Variants in MEIOB observed in about 807,000 individuals in gnomAD.
MEIOB encodes the protein meiosis-specific with OB domain-containing protein.
A neutral mutation model predicts 53.1 loss-of-function variants in MEIOB; 50 were observed. The observed-to-expected ratio is 0.94, with a 90% CI of 0.75 to 1.19. MEIOB has a LOEUF of 1.19. Ranked by LOEUF, MEIOB falls within the 50% of genes most tolerant of loss-of-function variation. The pLI is 0.00. For missense variants in MEIOB, 551 were observed against 550.8 expected (o/e 1.00, Z 0.00); for synonymous variants, 192 against 182.5 (o/e 1.05, Z -0.42).
At chr16:1,839,016 A>G (rs1313620792) in intron 12 of MEIOB, among the ~76,000 whole-genome samples, 1 of 152,188 alleles carries the variant, frequency 6.6e-6, no homozygotes, top group Non-Finnish European at 1.5e-5. Context: ...TTATTTATCC[A>G]TTTAGGCTAA....
At chr16:1,857,562 A>C (rs781271794) in intron 6 of MEIOB, 173 bp downstream of exon 6, 8 of 547,408 alleles carry the variant, frequency 1.5e-5, no homozygotes, top group Non-Finnish European at 3.2e-6. Context: ...CCACAGATAA[A>C]AAGCTAGTTT....
chr16:1,845,162 G>A (rs1899000108), intron 9 of MEIOB, among the ~76,000 whole-genome samples, 199 bp from the exon 10 acceptor site: 1 of 152,176 alleles, frequency 6.6e-6, no homozygotes, highest in African/African-American at 2.4e-5. Context: ...ATCTAAAACA[G>A]ATGTTAGTGA....
chr16:1,870,700 G>A (rs775002887), intron 1 of MEIOB, among the ~76,000 whole-genome samples: 1 of 152,144 alleles, frequency 6.6e-6, no homozygotes, highest in Non-Finnish European at 1.5e-5. Flanking sequence ...TGTATTCAAG[G>A]CCTTTCAGTG....
At chr16:1,835,777 G>A (rs1444863680) in intron 13 of MEIOB, among the ~76,000 whole-genome samples, 1 of 152,164 alleles carries the variant, frequency 6.6e-6, no homozygotes, top group East Asian at 1.9e-4. Context: ...CTGCCCTATA[G>A]AGGAGCCCAG....
chr16:1,862,494 A>G (rs1339390154), intron 3 of MEIOB, among the ~76,000 whole-genome samples: 1 of 152,138 alleles, frequency 6.6e-6, no homozygotes, highest in Non-Finnish European at 1.5e-5. Context: ...CTAAATAGTT[A>G]TTTCAGTCCC....
At chr16:1,846,027 C>G (rs938908320) in intron 9 of MEIOB, among the ~76,000 whole-genome samples, 1 of 152,232 alleles carries the variant, frequency 6.6e-6, no homozygotes, top group Non-Finnish European at 1.5e-5. Flanking sequence ...CTTGCCAGCA[C>G]GCAGTGTCCC....
intron 3 of MEIOB, among the ~76,000 whole-genome samples, chr16:1,863,244 C>T (rs2150822886): frequency 6.6e-6 from 1 of 152,078 alleles, no homozygotes; most frequent in South Asian, 2.1e-4. Context: ...GGCTGGAGTT[C>T]AGTGACGCGA....
At position 1,868,251 on chromosome 16, in the gene MEIOB, C is replaced by G. The variant is rs561434667; in HGVS notation, c.-9-67G>C. ...AATGAAATAAATCATTTAAAAAATT[C>G]CAAGAGTTTAAAATCTTATTTAGGG... is the stretch of plus-strand genomic sequence containing the variant. On this transcript the variant is annotated intron_variant, in intron 1 of 13. Coordinates refer to ENST00000325962, the MANE Select transcript of MEIOB (RefSeq NM_001163560.3). The G allele has an allele frequency of 3.2e-6, 3 of 928,558 alleles. No homozygotes were observed. In the East Asian group the frequency reaches 8.3e-5, roughly 26 times the overall value. 57.5% of individuals were successfully genotyped at this position (928,558 alleles called of 1,614,324 possible).
rs1030761762 is a variant in MEIOB at position 1,834,049 on chromosome 16, A to T, written c.*207T>A. 2 of 441,622 alleles carry T rather than the reference A, an allele frequency of 4.5e-6. No homozygotes were observed. Among genetic ancestry groups the T allele is most frequent in the Non-Finnish European group, 8.0e-6 (2 of 249,936 alleles). The allele number at this position is 441,622 out of a possible 1,614,324, so 27.4% of individuals were successfully genotyped here. On this transcript the variant is annotated 3_prime_UTR_variant, in exon 14 of 14. Transcript: ENST00000325962. ...TTCCAACTTGGGAGGAGACAAGGCA[A>T]AGACAGTAGGAGGCCTTCTAAGAAG...
intron 6 of MEIOB, among the ~76,000 whole-genome samples, chr16:1,857,383 G>A (rs531516514): frequency 1.3e-5 from 2 of 152,156 alleles, no homozygotes; most frequent in South Asian, 2.1e-4. Flanking sequence ...ATTCAACTAC[G>A]CCCCTTCAAG....
Position 1,868,191 on chromosome 16 carries a change from T to C in MEIOB, c.-9-7A>G. 1 of 1,420,660 alleles carries C rather than the reference T, an allele frequency of 7.0e-7. No homozygotes were observed. The highest frequency in any genetic ancestry group is 9.7e-7 in the Non-Finnish European group (1 of 1,034,938). 88.0% of individuals were successfully genotyped at this position (1,420,660 alleles called of 1,614,324 possible). A position where few individuals can be genotyped will look rare whatever the true frequency, so the allele number is the denominator to read the frequency against. ...AGTTTGCCATTTTTTTAATCTGCAT[T>C]TTAGAAAATATAATTTAGATATATA... On this transcript the variant is annotated splice_region_variant and splice_polypyrimidine_tract_variant and intron_variant, in intron 1 of 13. Transcript: ENST00000325962.
intron 13 of MEIOB, among the ~76,000 whole-genome samples, chr16:1,835,868 T>C (rs1373896577): frequency 1.3e-5 from 2 of 151,562 alleles, no homozygotes; most frequent in South Asian, 2.1e-4. Context: ...TTTTCTTTTT[T>C]TTTTTTTTTG....
chr16:1,865,736 A>C (rs956224702), intron 3 of MEIOB, 42 bp downstream of exon 3: 1 of 1,440,084 alleles, frequency 6.9e-7, no homozygotes, highest in African/African-American at 1.4e-5. Flanking sequence ...TCATAAGCCA[A>C]AGTTGATGAA....
chr16:1,842,412 C>T (rs1021891781), intron 10 of MEIOB, among the ~76,000 whole-genome samples: 1 of 144,368 alleles, frequency 6.9e-6, no homozygotes, highest in African/African-American at 2.6e-5. Flanking sequence ...GTTGGGAGAT[C>T]GAGAGCAGCC....
intron 3 of MEIOB, among the ~76,000 whole-genome samples, chr16:1,865,546 C>A (rs1054108351): frequency 6.6e-6 from 1 of 150,978 alleles, no homozygotes; most frequent in Non-Finnish European, 1.5e-5. Context: ...TACACATAAA[C>A]ATATATACAC....
chr16:1,838,024 TCTCA>T, intron 12 of MEIOB, 154 bp from the exon 13 acceptor site: 1 of 1,388,740 alleles, frequency 7.2e-7, no homozygotes, highest in Non-Finnish European at 9.6e-7. Context: ...AGAGACAGGG[TCTCA>T]CTCTGTCGCC....
rs1435082721 is a variant in MEIOB, at chr16:1,834,352, G to A, written c.1320C>T (p.His440=). The change falls in exon 14 of 14, where the codon CAC becomes CAT. Residue 440 remains histidine, a synonymous_variant. Transcript: ENST00000325962. ...SKIYLKFVLS[H]RARSGLKISV... is the part of the protein sequence containing the mutation. ...TAATTTTCAATCCACTCCTTGCTCT[G>A]TGTGATAGAACGAACTGCGAGGAGA... is the stretch of plus-strand genomic sequence containing the variant. 5 of 1,602,004 alleles carry A rather than the reference G, an allele frequency of 3.1e-6. No homozygotes were observed. In the African/African-American group the frequency reaches 6.7e-5, roughly 21 times the overall value.
chr16:1,861,838 T>G, intron 4 of MEIOB, 147 bp downstream of exon 4: 1 of 816,900 alleles, frequency 1.2e-6, no homozygotes, highest in Non-Finnish European at 1.9e-6. Context: ...CCCCACTGCA[T>G]TATACTCTTA....
Position 1,834,055 on chromosome 16 carries a change from G to A in MEIOB, c.*201C>T, listed in dbSNP as rs1898673822. ...CTTGGGAGGAGACAAGGCAAAGACA[G>A]TAGGAGGCCTTCTAAGAAGGGAGGT... On this transcript the variant is annotated 3_prime_UTR_variant, in exon 14 of 14. Coordinates refer to ENST00000325962, the MANE Select transcript of MEIOB (RefSeq NM_001163560.3). 1 of 472,936 alleles carries A rather than the reference G, an allele frequency of 2.1e-6. No individual in the cohort carries two copies. The highest frequency in any genetic ancestry group is 2.0e-5 in the African/African-American group (1 of 50,208). The allele number at this position is 472,936 out of a possible 1,614,324, so 29.3% of individuals were successfully genotyped here. A position where few individuals can be genotyped will look rare whatever the true frequency, so the allele number is the denominator to read the frequency against.
Sources: gnomAD v4.1 joint callset for allele counts (sites outside exome capture counted in the v4.1 genomes callset) on GRCh38, gnomAD v4.1.1 for gene constraint, MANE v1.5 for transcripts, NCBI Gene and HGNC (gene_info 2026-07-23, HGNC 2026-07-21) for gene names.